ABCD3: variants seen among roughly 807,000 people sequenced by gnomAD.
ABCD3 encodes the protein ATP binding cassette subfamily D member 3, also known as ATP-binding cassette sub-family D member 3.
Under a neutral mutation model 105.5 loss-of-function variants are expected in ABCD3, and 41 were observed. That is an observed-to-expected ratio of 0.39 (90% confidence interval 0.30 to 0.50). ABCD3 has a LOEUF of 0.50. Among genes scored for constraint, ABCD3 ranks in the 20% least tolerant of loss-of-function variants. ABCD3 has a pLI of 0.84. For synonymous variants in ABCD3, 258 were observed against 269.0 expected, an observed-to-expected ratio of 0.96 and a Z score of 0.40; for missense variants, 622 against 806.3, an observed-to-expected ratio of 0.77 and a Z score of 2.77.
At chr1:94,462,917 CTCTTT>C (rs1349393556) in intron 2 of ABCD3, among the ~76,000 whole-genome samples, 2 of 152,136 alleles carry the variant, frequency 1.3e-5, no homozygotes, top group Non-Finnish European at 1.5e-5. Flanking sequence ...CTTTTCTTTA[CTCTTT>C]TCTTCCTATG....
At chr1:94,407,330 A>G in the ABCD3 span, among the ~76,000 whole-genome samples, 1 of 152,086 alleles carries the variant, frequency 6.6e-6, no homozygotes, top group Non-Finnish European at 1.5e-5. Flanking sequence ...TTGTATTTTT[A>G]GTAGAGATGG....
intron 10 of ABCD3, among the ~76,000 whole-genome samples, chr1:94,487,074 G>T (rs935138708): frequency 6.6e-6 from 1 of 152,184 alleles, no homozygotes; most frequent in Non-Finnish European, 1.5e-5. Context: ...ACTCAGTTCA[G>T]ATTGGGTGTA....
At chr1:94,472,274 G>A (rs1648492413) in intron 4 of ABCD3, 2 of 949,134 alleles carry the variant, frequency 2.1e-6, no homozygotes, top group African/African-American at 3.5e-5. Flanking sequence ...GCATGTTCTT[G>A]TGTGTTTCAC....
intron 20 of ABCD3, among the ~76,000 whole-genome samples, chr1:94,502,779 C>T (rs1054132000): frequency 2.0e-5 from 3 of 152,048 alleles, no homozygotes; most frequent in Admixed American, 6.6e-5. Context: ...GGATTTCATG[C>T]GTGAGCCGCC....
intron 21 of ABCD3, among the ~76,000 whole-genome samples, chr1:94,506,904 A>G (rs888997149): frequency 6.6e-6 from 1 of 151,992 alleles, no homozygotes; most frequent in African/African-American, 2.4e-5. Flanking sequence ...ATATATATAA[A>G]TGAGATACAA....
intron 1 of ABCD3, among the ~76,000 whole-genome samples, chr1:94,441,566 A>G (rs2100914812): frequency 6.6e-6 from 1 of 152,334 alleles, no homozygotes; most frequent in East Asian, 1.9e-4. Flanking sequence ...TCTTGTTATT[A>G]CAAACTATTG....
chr1:94,454,917 G>T (rs1179122639), intron 1 of ABCD3, among the ~76,000 whole-genome samples: 1 of 152,198 alleles, frequency 6.6e-6, no homozygotes, highest in Non-Finnish European at 1.5e-5. Flanking sequence ...CTCCCAAGAT[G>T]CTGGGATTAC....
chr1:94,472,346 TA>T, intron 4 of ABCD3: 1 of 306,716 alleles, frequency 3.3e-6, no homozygotes, highest in Non-Finnish European at 4.8e-6. Flanking sequence ...AATTTTAACA[TA>T]AATTCTCTGA....
chr1:94,485,672 T>G (rs1432298930), intron 10 of ABCD3, among the ~76,000 whole-genome samples: 1 of 152,160 alleles, frequency 6.6e-6, no homozygotes, highest in Non-Finnish European at 1.5e-5. Context: ...TTAATCATCA[T>G]CTTTCCTTAA....
At position 94,486,059 on chromosome 1, in the gene ABCD3, G is replaced by A. The variant is rs185654166; in HGVS notation, c.898-1483G>A. 5.3e-3 allele frequency among the ~76,000 whole-genome samples: 808 copies of A among 152,068 alleles called. 9 individuals are homozygous for A. The highest frequency in any genetic ancestry group is 0.018 in the African/African-American group (761 of 41,500). On this transcript the variant is annotated intron_variant, in intron 10 of 22. Coordinates refer to ENST00000370214, the MANE Select transcript of ABCD3 (RefSeq NM_002858.4). ...ATACAAAAATTAGCCGGTTGTTGTG[G>A]CGGGGGCCTATAATCCCAGCTACTC...
chr1:94,464,711 G>T (rs1176243453), intron 2 of ABCD3, 64 bp from the exon 3 acceptor site: 4 of 1,384,524 alleles, frequency 2.9e-6, no homozygotes, highest in East Asian at 2.3e-5. Flanking sequence ...ATGAAACATG[G>T]TTCTTTAATT....
At chr1:94,462,144 C>T (rs1315998147) in intron 2 of ABCD3, among the ~76,000 whole-genome samples, 1 of 151,982 alleles carries the variant, frequency 6.6e-6, no homozygotes, top group Non-Finnish European at 1.5e-5. Context: ...GATTTGTTTG[C>T]TTTTTCTATA....
chr1:94,477,028 G>A (rs1034226936), intron 7 of ABCD3, among the ~76,000 whole-genome samples: 1 of 151,868 alleles, frequency 6.6e-6, no homozygotes, highest in African/African-American at 2.4e-5. Flanking sequence ...ACTTGAGCAA[G>A]TCTCAGGTTT....
chr1:94,477,245 AAAAAAAAAAAG>A lies in ABCD3; in HGVS notation c.628-1013_628-1003del, dbSNP rs1254209017. On this transcript the variant is annotated intron_variant, in intron 7 of 22. Transcript: ENST00000370214. ...TATAAGGCAAAAAAAAAAAAAAAAA[AAAAAAAAAAAG>A]GAAAGGGAAAGGTAGATGTTGAAAC... Among the ~76,000 whole-genome samples the A allele has an allele frequency of 9.3e-5, 14 of 150,450 alleles. No individual in the cohort carries two copies. The East Asian group carries it at 2.3e-3, about 25-fold the overall frequency.
Position 94,455,262 on chromosome 1 carries a change from A to G in ABCD3, c.111-3345A>G, listed in dbSNP as rs570557743. On this transcript the variant is annotated intron_variant, in intron 1 of 22. Coordinates refer to ENST00000370214, the MANE Select transcript of ABCD3 (RefSeq NM_002858.4). ...ATAGTGATAATTTCAGGTGAAAGCTATTTTCATAGAACTTCCTGAGAAACA... is the reference window on the plus strand; with the variant it reads ...ATAGTGATAATTTCAGGTGAAAGCTGTTTTCATAGAACTTCCTGAGAAACA... Among the ~76,000 whole-genome samples the G allele has an allele frequency of 2.7e-4, 41 of 152,060 alleles. No homozygotes were observed. In the South Asian group the frequency reaches 8.3e-3, roughly 31 times the overall value.
At position 94,422,302 on chromosome 1, in the gene ABCD3, A is replaced by G. The variant is rs6541350; in HGVS notation, c.110+3714A>G. Among the ~76,000 whole-genome samples the G allele has an allele frequency of 2.5e-3, 378 of 152,316 alleles. 1 individual carries two copies. The highest frequency in any genetic ancestry group is 8.9e-3 in the African/African-American group (368 of 41,576). On this transcript the variant is annotated intron_variant, in intron 1 of 22. Coordinates refer to ENST00000370214, the MANE Select transcript of ABCD3 (RefSeq NM_002858.4). Reference sequence around the variant, plus strand: ...CGCCTCCTGTCAGATCAGCAGGGGCATTAGATTCTCATAGGAGCGTGAACC... The same window carrying G: ...CGCCTCCTGTCAGATCAGCAGGGGCGTTAGATTCTCATAGGAGCGTGAACC...
intron 2 of ABCD3, among the ~76,000 whole-genome samples, chr1:94,462,604 A>T (rs530276399): frequency 3.9e-4 from 60 of 152,346 alleles, no homozygotes; most frequent in Middle Eastern, 3.4e-3. Flanking sequence ...GGAATTTTAT[A>T]CAAGTTAGCA....
intron 10 of ABCD3, among the ~76,000 whole-genome samples, chr1:94,483,645 A>G (rs958338335): frequency 1.3e-5 from 2 of 152,216 alleles, no homozygotes; most frequent in African/African-American, 4.8e-5. Flanking sequence ...AATTAATTCA[A>G]GATGGATTAA....
At chr1:94,479,466 C>T (rs1182995571) in intron 8 of ABCD3, among the ~76,000 whole-genome samples, 2 of 151,290 alleles carry the variant, frequency 1.3e-5, no homozygotes, top group East Asian at 3.9e-4. Flanking sequence ...CTTACTAGCA[C>T]ATATATTGTG....
Sources: gnomAD v4.1 joint callset for allele counts (sites outside exome capture counted in the v4.1 genomes callset) on GRCh38, gnomAD v4.1.1 for gene constraint, MANE v1.5 for transcripts, NCBI Gene and HGNC (gene_info 2026-07-23, HGNC 2026-07-21) for gene names.